The following CACHD1 variants were observed in gnomAD, a reference collection of about 807,000 sequenced individuals.
CACHD1 encodes VWFA and cache domain-containing protein 1.
In CACHD1, 71 loss-of-function variants were observed where a neutral mutation model predicts 138.7. The ratio of observed to expected loss-of-function variants is 0.51; its 90% confidence interval spans 0.42 to 0.62. The LOEUF (loss-of-function observed/expected upper bound fraction) is 0.62. Ranked by LOEUF, CACHD1 falls within the 20% of genes least tolerant of loss-of-function variation. The pLI is 0.00. For missense variants in CACHD1, 1,389 were observed against 1,625.3 expected, an observed-to-expected ratio of 0.85 and a Z score of 2.50; for synonymous variants, 578 against 591.5, an observed-to-expected ratio of 0.98 and a Z score of 0.33.
chr1:64,573,157 T>C (rs1646939130), intron 2 of CACHD1, among the ~76,000 whole-genome samples: 1 of 152,126 alleles, frequency 6.6e-6, no homozygotes. Flanking sequence ...GTGATGGTAT[T>C]TGGAGGTGGG....
chr1:64,625,677 A>T (rs11590927), intron 4 of CACHD1, among the ~76,000 whole-genome samples: 24,693 of 151,940 alleles, frequency 0.16, 2,323 homozygotes, highest in African/African-American at 0.25. Context: ...AATGTACGCT[A>T]TTCATGTGAT....
Position 64,691,621 on chromosome 1 carries a change from AAAAG to A in CACHD1, c.*63_*66del, listed in dbSNP as rs1650563173. On this transcript the variant is annotated 3_prime_UTR_variant, in exon 27 of 27. Transcript: ENST00000651257. ...GGAGCTACAGAATGTTCTGGAAAGA[AAAAG>A]AACCGGCTTAAAACCCACAGCAAGA... is the stretch of plus-strand genomic sequence containing the variant. The A allele has an allele frequency of 6.6e-7, 1 of 1,517,880 alleles. No individual in the cohort carries two copies. Among genetic ancestry groups the A allele is most frequent in the East Asian group, 2.3e-5 (1 of 44,080 alleles). 94.0% of individuals were successfully genotyped at this position (1,517,880 alleles called of 1,614,324 possible). A position where few individuals can be genotyped will look rare whatever the true frequency, so the allele number is the denominator to read the frequency against.
At chr1:64,617,172 A>C (rs373733960) in intron 4 of CACHD1, among the ~76,000 whole-genome samples, 28 of 106,310 alleles carry the variant, frequency 2.6e-4, no homozygotes, top group African/African-American at 8.5e-4. Flanking sequence ...AAAAAAAAAA[A>C]CCAGCAAAAC....
At chr1:64,609,010 A>G (rs554590356) in intron 4 of CACHD1, among the ~76,000 whole-genome samples, 1 of 152,190 alleles carries the variant, frequency 6.6e-6, no homozygotes, top group Admixed American at 6.5e-5. Context: ...TGCAGTCTTC[A>G]TTGAGAAACG....
At chr1:64,516,894 G>A (rs1646463319) in intron 1 of CACHD1, among the ~76,000 whole-genome samples, 1 of 152,180 alleles carries the variant, frequency 6.6e-6, no homozygotes, top group South Asian at 2.1e-4. Flanking sequence ...TAGCAGAGCT[G>A]GAGTGGGAAA....
intron 3 of CACHD1, among the ~76,000 whole-genome samples, chr1:64,583,037 A>G (rs1647024416): frequency 6.6e-6 from 1 of 152,234 alleles, no homozygotes; most frequent in Non-Finnish European, 1.5e-5. Context: ...AAAGACGTTA[A>G]TATGTTTTTA....
chr1:64,639,235 G>A (rs1220810187), intron 7 of CACHD1, among the ~76,000 whole-genome samples: 1 of 152,138 alleles, frequency 6.6e-6, no homozygotes, highest in East Asian at 1.9e-4. Context: ...TCCTCATGCT[G>A]TATCTATGTA....
intron 1 of CACHD1, among the ~76,000 whole-genome samples, chr1:64,522,226 G>A (rs1231698843): frequency 6.6e-6 from 1 of 152,134 alleles, no homozygotes; most frequent in African/African-American, 2.4e-5. Flanking sequence ...CCCACTGAAT[G>A]GTTTTGGCAC....
chr1:64,521,556 T>C (rs1646498268), intron 1 of CACHD1, among the ~76,000 whole-genome samples: 2 of 152,386 alleles, frequency 1.3e-5, no homozygotes, highest in South Asian at 2.1e-4. Flanking sequence ...TTGATTCTTA[T>C]TCATGACAAT....
At chr1:64,491,453 A>G (rs1326352158) in intron 1 of CACHD1, among the ~76,000 whole-genome samples, 1 of 152,178 alleles carries the variant, frequency 6.6e-6, no homozygotes, top group African/African-American at 2.4e-5. Flanking sequence ...TGCCTTATAC[A>G]TGGTGGCAGG....
chr1:64,496,580 ACTTATAG>A (rs1646307344), intron 1 of CACHD1, among the ~76,000 whole-genome samples: 1 of 152,142 alleles, frequency 6.6e-6, no homozygotes, highest in Non-Finnish European at 1.5e-5. Context: ...CCTACTTGAA[ACTTATAG>A]CTTACAAACT....
chr1:64,485,919 A>G (rs1646239157), intron 1 of CACHD1, among the ~76,000 whole-genome samples: 1 of 152,132 alleles, frequency 6.6e-6, no homozygotes, highest in Non-Finnish European at 1.5e-5. Context: ...GTGTATGTTA[A>G]ACTTTATAAG....
chr1:64,649,095 A>G (rs749453180), intron 9 of CACHD1, among the ~76,000 whole-genome samples: 15 of 152,174 alleles, frequency 9.9e-5, no homozygotes, highest in Admixed American at 6.5e-4. Context: ...GATTTTTTTT[A>G]AAACTCACGT....
chr1:64,523,039 A>G (rs906704942), intron 1 of CACHD1, among the ~76,000 whole-genome samples: 18 of 152,236 alleles, frequency 1.2e-4, no homozygotes, highest in African/African-American at 4.3e-4. Flanking sequence ...CCTTCTGTTT[A>G]CTGCTGCCTC....
At chr1:64,568,451 TAGTC>T (rs1646900757) in intron 2 of CACHD1, among the ~76,000 whole-genome samples, 1 of 151,958 alleles carries the variant, frequency 6.6e-6, no homozygotes, top group Non-Finnish European at 1.5e-5. Context: ...GCCTGGACAA[TAGTC>T]AGGATGCTTG....
intron 4 of CACHD1, among the ~76,000 whole-genome samples, chr1:64,620,568 A>T (rs1442186606): frequency 2.6e-5 from 4 of 152,170 alleles, no homozygotes; most frequent in Non-Finnish European, 5.9e-5. Context: ...CATGCCAGCG[A>T]TGTTTGCCAT....
At chr1:64,621,482 T>C (rs1055733238) in intron 4 of CACHD1, among the ~76,000 whole-genome samples, 25 of 152,168 alleles carry the variant, frequency 1.6e-4, no homozygotes, top group African/African-American at 6.0e-4. Flanking sequence ...AGCTTAAGGC[T>C]TCCTATGTAA....
chr1:64,685,807 TAGCCA>T lies in CACHD1; in HGVS notation c.3586+3704_3586+3708del, dbSNP rs1650349360. Among the ~76,000 whole-genome samples the T allele has an allele frequency of 2.0e-5, 3 of 150,644 alleles. No individual in the cohort carries two copies. The South Asian group carries it at 6.3e-4, about 32-fold the overall frequency. On this transcript the variant is annotated intron_variant, in intron 26 of 26. Coordinates refer to ENST00000651257, the MANE Select transcript of CACHD1 (RefSeq NM_020925.4). ...GAGCCATGTTAGCACCACTGCACTC[TAGCCA>T]AGAACTCTTTGAGCTCTTTGAGACA...
At chr1:64,522,464 C>T (rs1384823076) in intron 1 of CACHD1, among the ~76,000 whole-genome samples, 4 of 152,008 alleles carry the variant, frequency 2.6e-5, no homozygotes, top group Admixed American at 6.6e-5. Flanking sequence ...CATGCAACCA[C>T]GACCGGCTAA....
Sources: allele counts gnomAD v4.1 joint callset (sites outside exome capture counted in the v4.1 genomes callset), GRCh38; gene constraint gnomAD v4.1.1; transcripts MANE v1.5; gene names NCBI Gene and HGNC (gene_info 2026-07-23, HGNC 2026-07-21).